Variants in KCND2 observed in about 807,000 individuals in gnomAD.
KCND2 encodes A-type voltage-gated potassium channel KCND2.
A neutral mutation model predicts 54.4 loss-of-function variants in KCND2; 16 were observed. That is an observed-to-expected ratio of 0.29 (90% confidence interval 0.20 to 0.45). The LOEUF is 0.45. KCND2 is among the 20% of genes least tolerant of loss of function. KCND2 has a pLI of 1.00. For missense variants in KCND2, 486 were observed against 824.2 expected (o/e 0.59, Z 5.02); for synonymous variants, 317 against 310.7 (o/e 1.02, Z -0.21).
At chr7:120,488,896 A>C (rs1287791151) in intron 1 of KCND2, among the ~76,000 whole-genome samples, 1 of 152,098 alleles carries the variant, frequency 6.6e-6, no homozygotes, top group Non-Finnish European at 1.5e-5. Context: ...ACTTTTGAAA[A>C]AATAAACTCA....
chr7:120,541,675 T>C (rs1403042006), intron 1 of KCND2, among the ~76,000 whole-genome samples: 1 of 151,918 alleles, frequency 6.6e-6, no homozygotes, highest in African/African-American at 2.4e-5. Flanking sequence ...TTTGGCTGCA[T>C]GTCTGGAAGC....
intron 1 of KCND2, among the ~76,000 whole-genome samples, chr7:120,296,308 A>G (rs1799513183): frequency 6.6e-6 from 1 of 152,074 alleles, no homozygotes; most frequent in African/African-American, 2.4e-5. Flanking sequence ...TTATACTTCT[A>G]ATTGTGACTT....
At chr7:120,550,194 CTG>C (rs1792089346) in intron 1 of KCND2, among the ~76,000 whole-genome samples, 1 of 152,096 alleles carries the variant, frequency 6.6e-6, no homozygotes, top group African/African-American at 2.4e-5. Flanking sequence ...GGTTTTAAAA[CTG>C]GAGTTAATTT....
At chr7:120,404,704 A>G (rs1389747044) in intron 1 of KCND2, among the ~76,000 whole-genome samples, 2 of 152,046 alleles carry the variant, frequency 1.3e-5, no homozygotes, top group Non-Finnish European at 2.9e-5. Context: ...TCTTAGATTC[A>G]TTTTTGATAT....
chr7:120,631,417 C>T (rs187799101), intron 1 of KCND2, among the ~76,000 whole-genome samples: 2 of 152,018 alleles, frequency 1.3e-5, no homozygotes, highest in African/African-American at 4.8e-5. Context: ...TGTAGGGACT[C>T]ATTACTTTGT....
intron 1 of KCND2, among the ~76,000 whole-genome samples, chr7:120,661,028 C>G (rs1253813452): frequency 6.6e-6 from 1 of 152,054 alleles, no homozygotes; most frequent in Non-Finnish European, 1.5e-5. Context: ...CATGCATAAA[C>G]TGTGTCATGG....
rs564257520 is a variant in KCND2 at position 120,580,767 on chromosome 7, A to G, written c.1116-152136A>G. 2.6e-5 allele frequency among the ~76,000 whole-genome samples: 4 copies of G among 152,340 alleles called. No individual in the cohort carries two copies. The South Asian group carries it at 6.2e-4, about 24-fold the overall frequency. On this transcript the variant is annotated intron_variant, in intron 1 of 5. Transcript: ENST00000331113. ...TTGTAATATGAAGTTGGAATCTAAAAAAAAAGCCCCCAAAACTTTCATAAC... is the reference window on the plus strand; with the variant it reads ...TTGTAATATGAAGTTGGAATCTAAAGAAAAAGCCCCCAAAACTTTCATAAC...
At chr7:120,738,597 A>G (rs780778681) in intron 2 of KCND2, among the ~76,000 whole-genome samples, 56 of 152,208 alleles carry the variant, frequency 3.7e-4, no homozygotes, top group South Asian at 1.0e-3. Context: ...TACAGCTAAA[A>G]TAAAGTACTT....
chr7:120,365,181 G>A (rs964161630), intron 1 of KCND2, among the ~76,000 whole-genome samples: 1 of 139,676 alleles, frequency 7.2e-6, no homozygotes, highest in Admixed American at 7.3e-5. Context: ...AGCAAAGAGA[G>A]GAAGGAAGGA....
rs1285609642 is a variant in KCND2, at chr7:120,275,083, G to A, written c.451G>A (p.Asp151Asn). The change falls in exon 1 of 6, where the codon GAC becomes AAC. Residue 151 changes from aspartate (D) to asparagine (N), a missense_variant. Coordinates refer to ENST00000331113, the MANE Select transcript of KCND2 (RefSeq NM_012281.3). ...AGAGAACGCCGAGCGCCTGCAGGAC[G>A]ACGCGGATACCGACACCGCTGGGGA... ...RRENAERLQD[D>N]ADTDTAGESA... The A allele has an allele frequency of 6.2e-7, 1 of 1,613,814 alleles. No homozygotes were observed. Among genetic ancestry groups the A allele is most frequent in the Non-Finnish European group, 8.5e-7 (1 of 1,179,968 alleles).
chr7:120,387,256 C>T (rs1305049732), intron 1 of KCND2, among the ~76,000 whole-genome samples: 1 of 151,970 alleles, frequency 6.6e-6, no homozygotes, highest in African/African-American at 2.4e-5. Flanking sequence ...TAAAATGACA[C>T]ATTAGTTATG....
At chr7:120,331,923 C>A (rs1157445489) in intron 1 of KCND2, among the ~76,000 whole-genome samples, 1 of 151,938 alleles carries the variant, frequency 6.6e-6, no homozygotes, top group Non-Finnish European at 1.5e-5. Flanking sequence ...TTTTCTGTTT[C>A]TCTTTTAAAA....
intron 1 of KCND2, among the ~76,000 whole-genome samples, chr7:120,653,811 G>A (rs1791768671): frequency 6.6e-6 from 1 of 152,136 alleles, no homozygotes; most frequent in African/African-American, 2.4e-5. Flanking sequence ...CAGAGGGATT[G>A]CTGAGAGGCC....
intron 1 of KCND2, among the ~76,000 whole-genome samples, chr7:120,622,262 A>G (rs1186868923): frequency 1.3e-5 from 2 of 152,160 alleles, no homozygotes; most frequent in Non-Finnish European, 2.9e-5. Context: ...GCCACTCTAC[A>G]AGAAGGGTTT....
At chr7:120,592,110 G>A (rs1792679471) in intron 1 of KCND2, among the ~76,000 whole-genome samples, 1 of 152,210 alleles carries the variant, frequency 6.6e-6, no homozygotes, top group Admixed American at 6.5e-5. Flanking sequence ...CCTTTAGTGA[G>A]GCAGCCGCTA....
At chr7:120,616,965 C>T (rs1793033238) in intron 1 of KCND2, among the ~76,000 whole-genome samples, 1 of 152,190 alleles carries the variant, frequency 6.6e-6, no homozygotes, top group Non-Finnish European at 1.5e-5. Flanking sequence ...GCACAAACAA[C>T]TGATCATTGG....
At chr7:120,550,941 CAA>C (rs972959708) in intron 1 of KCND2, among the ~76,000 whole-genome samples, 18 of 152,038 alleles carry the variant, frequency 1.2e-4, no homozygotes, top group Non-Finnish European at 2.5e-4. Context: ...GGACATTCTC[CAA>C]AGAGAAGATT....
intron 1 of KCND2, among the ~76,000 whole-genome samples, chr7:120,320,925 T>C (rs1799885892): frequency 1.3e-5 from 2 of 152,118 alleles, no homozygotes; most frequent in Admixed American, 1.3e-4. Flanking sequence ...AATGTAAGCT[T>C]CCTGCAAGGA....
At chr7:120,558,742 T>A (rs1315561795) in intron 1 of KCND2, among the ~76,000 whole-genome samples, 1 of 152,138 alleles carries the variant, frequency 6.6e-6, no homozygotes, top group Non-Finnish European at 1.5e-5. Context: ...AATTTGGGCC[T>A]TAAATTCCTG....
Sources: allele counts gnomAD v4.1 joint callset (sites outside exome capture counted in the v4.1 genomes callset), GRCh38; gene constraint gnomAD v4.1.1; transcripts MANE v1.5; gene names NCBI Gene and HGNC (gene_info 2026-07-23, HGNC 2026-07-21).